IL1RAPL2: variants seen among roughly 807,000 people sequenced by gnomAD.
IL1RAPL2 encodes the protein X-linked interleukin-1 receptor accessory protein-like 2.
A neutral mutation model predicts 44.1 loss-of-function variants in IL1RAPL2; 3 were observed. That is an observed-to-expected ratio of 0.07 (90% CI 0.03 to 0.18). IL1RAPL2 has a LOEUF of 0.18. IL1RAPL2 is among the 10% of genes least tolerant of loss of function. The probability of loss-of-function intolerance (pLI) is 1.00; values close to 1 mark genes in which losing one functional copy is unlikely to be tolerated. For synonymous variants in IL1RAPL2, 181 were observed against 178.8 expected, an observed-to-expected ratio of 1.01 and a Z score of -0.10; for missense variants, 391 against 496.4, an observed-to-expected ratio of 0.79 and a Z score of 2.02.
intron 7 of IL1RAPL2, among the ~76,000 whole-genome samples, chrX:105,733,598 A>G (rs2038422538): frequency 9.0e-6 from 1 of 111,008 alleles, no homozygotes; most frequent in Non-Finnish European, 1.9e-5. Context: ...TTCTATTGAC[A>G]TATCTTCAAA....
chrX:105,329,967 A>G (rs2034973324), intron 5 of IL1RAPL2, among the ~76,000 whole-genome samples: 1 of 111,205 alleles, frequency 9.0e-6, no homozygotes, highest in African/African-American at 3.3e-5. Flanking sequence ...CTCACATTGT[A>G]TTTCTATTGA....
chrX:105,158,212 C>T (rs929535891), intron 2 of IL1RAPL2, among the ~76,000 whole-genome samples: 1 of 5,911 alleles, frequency 1.7e-4, no homozygotes, highest in African/African-American at 7.4e-4. Flanking sequence ...AAAAAAATTA[C>T]CTGGGTGTGG....
intron 3 of IL1RAPL2, among the ~76,000 whole-genome samples, chrX:105,201,912 G>C (rs782467197): frequency 9.0e-6 from 1 of 111,523 alleles, no homozygotes; most frequent in Non-Finnish European, 1.9e-5. Flanking sequence ...TGAGACAGCA[G>C]GAATTTCATT....
rs752833523 is a variant in IL1RAPL2 at position 105,414,755 on chromosome X, A to G, written c.698-69558A>G. 7.1e-5 allele frequency among the ~76,000 whole-genome samples: 8 copies of G among 112,214 alleles called. No homozygotes were observed. The East Asian group carries it at 2.0e-3, about 28-fold the overall frequency. On this transcript the variant is annotated intron_variant, in intron 5 of 10. Transcript: ENST00000372582. ...GTAGGTACATTTTGCTGCCTCATTCATAGCATGCTGTTATTTTTGTTAATG... is the reference window on the plus strand; with the variant it reads ...GTAGGTACATTTTGCTGCCTCATTCGTAGCATGCTGTTATTTTTGTTAATG...
intron 2 of IL1RAPL2, among the ~76,000 whole-genome samples, chrX:104,693,064 G>C (rs189049752): frequency 1.8e-5 from 2 of 112,107 alleles, no homozygotes; most frequent in African/African-American, 6.5e-5. Flanking sequence ...ATTTTTAACA[G>C]TAGAAGCAGA....
At chrX:105,236,814 A>G in intron 4 of IL1RAPL2, among the ~76,000 whole-genome samples, 1 of 111,558 alleles carries the variant, frequency 9.0e-6, no homozygotes, top group East Asian at 2.8e-4. Flanking sequence ...TTTATAGCCC[A>G]TGTATTTTCT....
Position 104,976,104 on chromosome X carries a change from G to A in IL1RAPL2, c.83-219371G>A, listed in dbSNP as rs188346409. 1.6e-3 allele frequency among the ~76,000 whole-genome samples: 175 copies of A among 111,117 alleles called. 1 individual carries two copies. The highest frequency in any genetic ancestry group is 5.1e-3 in the African/African-American group (156 of 30,537). The stretch of plus-strand genomic sequence containing the variant: ...ATGTCGTTATAATGTATAGGACCAT[G>A]CTTAGGTAAAATCTGTTTGCTTTCT... On this transcript the variant is annotated intron_variant, in intron 2 of 10. Coordinates refer to ENST00000372582, the MANE Select transcript of IL1RAPL2 (RefSeq NM_017416.2).
At chrX:105,493,109 C>T (rs2036332615) in intron 6 of IL1RAPL2, among the ~76,000 whole-genome samples, 1 of 112,192 alleles carries the variant, frequency 8.9e-6, no homozygotes. Context: ...TGTATAAGTA[C>T]TTCACTCCTT....
intron 6 of IL1RAPL2, among the ~76,000 whole-genome samples, chrX:105,690,527 CAT>C (rs1189884781): frequency 9.0e-6 from 1 of 111,576 alleles, no homozygotes; most frequent in Non-Finnish European, 1.9e-5. Context: ...TCAGAAAAGA[CAT>C]AGGTCTTTTA....
intron 2 of IL1RAPL2, among the ~76,000 whole-genome samples, chrX:104,989,202 G>T (rs1002273383): frequency 9.0e-6 from 1 of 111,463 alleles, no homozygotes; most frequent in Non-Finnish European, 1.9e-5. Flanking sequence ...AGCAAACAAG[G>T]CATAGGGTTT....
chrX:104,926,820 G>A (rs1482023196), intron 2 of IL1RAPL2, among the ~76,000 whole-genome samples: 1 of 111,355 alleles, frequency 9.0e-6, no homozygotes, highest in Non-Finnish European at 1.9e-5. Flanking sequence ...AAGCACCACT[G>A]TTTAGAACTA....
At chrX:105,673,752 C>T (rs1041582589) in intron 6 of IL1RAPL2, among the ~76,000 whole-genome samples, 7 of 111,989 alleles carry the variant, frequency 6.3e-5, no homozygotes, top group African/African-American at 2.0e-4. Context: ...ACACCGTCTT[C>T]CACAATGGTT....
intron 2 of IL1RAPL2, among the ~76,000 whole-genome samples, chrX:104,807,766 A>AT (rs1188909447): frequency 1.8e-5 from 2 of 110,813 alleles, no homozygotes; most frequent in East Asian, 2.8e-4. Context: ...TGTCTTGGAG[A>AT]TTTTTTCTAT....
chrX:105,575,964 A>G (rs2037047248), intron 6 of IL1RAPL2, among the ~76,000 whole-genome samples: 1 of 111,284 alleles, frequency 9.0e-6, no homozygotes, highest in South Asian at 3.7e-4. Context: ...GGCCACATGT[A>G]TGTCTTCTTT....
chrX:105,305,539 T>C (rs2034729473), intron 5 of IL1RAPL2, among the ~76,000 whole-genome samples: 1 of 110,520 alleles, frequency 9.0e-6, no homozygotes, highest in Non-Finnish European at 1.9e-5. Flanking sequence ...CCCCCAACTT[T>C]CTCTCTTTCG....
At chrX:105,730,878 G>A (rs1198551315) in intron 7 of IL1RAPL2, among the ~76,000 whole-genome samples, 2 of 111,000 alleles carry the variant, frequency 1.8e-5, no homozygotes, top group Admixed American at 1.9e-4. Context: ...CTTGTTTATA[G>A]GTATAAATTT....
Position 105,575,093 on chromosome X carries a change from C to T in IL1RAPL2, c.772+90706C>T, listed in dbSNP as rs1437014055. Reference sequence around the variant, plus strand: ...GTCATAAGTCAGTATATTATTTCATCCAAAATATTGTCATCACCTGAAATA... The same window carrying T: ...GTCATAAGTCAGTATATTATTTCATTCAAAATATTGTCATCACCTGAAATA... On this transcript the variant is annotated intron_variant, in intron 6 of 10. Transcript: ENST00000372582. Among the ~76,000 whole-genome samples the T allele has an allele frequency of 3.6e-5, 4 of 111,797 alleles. 1 individual carries two copies. The highest frequency in any genetic ancestry group is 7.5e-5 in the Non-Finnish European group (4 of 53,132).
At chrX:105,107,142 A>T (rs775442910) in intron 2 of IL1RAPL2, among the ~76,000 whole-genome samples, 7 of 112,780 alleles carry the variant, frequency 6.2e-5, no homozygotes, top group Non-Finnish European at 9.4e-5. Context: ...TTTTAGGACT[A>T]GTTGTAAAAG....
intron 4 of IL1RAPL2, among the ~76,000 whole-genome samples, chrX:105,264,093 A>G (rs1013864546): frequency 4.5e-5 from 5 of 111,219 alleles, no homozygotes; most frequent in African/African-American, 1.6e-4. Context: ...TGTAGTTCCC[A>G]TAATCCCCAT....
Sources: allele counts gnomAD v4.1 joint callset (sites outside exome capture counted in the v4.1 genomes callset), GRCh38; gene constraint gnomAD v4.1.1; transcripts MANE v1.5; gene names NCBI Gene and HGNC (gene_info 2026-07-23, HGNC 2026-07-21).